Variants in GNA12 observed in about 807,000 individuals in gnomAD.
The protein encoded by GNA12 is G protein subunit alpha 12.
Under a neutral mutation model 26.0 loss-of-function variants are expected in GNA12, and 9 were observed. That is an observed-to-expected ratio of 0.35 (90% confidence interval 0.21 to 0.60). The LOEUF is 0.60. Ranked by LOEUF, GNA12 falls within the 20% of genes least tolerant of loss-of-function variation. The pLI is 0.78. For synonymous variants in GNA12, 264 were observed against 219.6 expected (o/e 1.20, Z -1.79); for missense variants, 405 against 525.8 (o/e 0.77, Z 2.25).
At chr7:2,840,034 G>A (rs1778945160) in intron 1 of GNA12, among the ~76,000 whole-genome samples, 1 of 152,142 alleles carries the variant, frequency 6.6e-6, no homozygotes, top group African/African-American at 2.4e-5. Flanking sequence ...GCCAGGGTCT[G>A]GGACAGGAAG....
chr7:2,762,748 G>T (rs751185082), intron 2 of GNA12: 3 of 1,553,224 alleles, frequency 1.9e-6, no homozygotes, highest in African/African-American at 2.7e-5. Flanking sequence ...CCCGCAGGAA[G>T]TGCACCAGGC....
intron 1 of GNA12, among the ~76,000 whole-genome samples, chr7:2,820,435 A>G (rs905365642): frequency 1.4e-5 from 2 of 144,326 alleles, no homozygotes; most frequent in Admixed American, 7.2e-5. Context: ...GAGGCCAGGC[A>G]TGGTGGCTCA....
intron 1 of GNA12, among the ~76,000 whole-genome samples, chr7:2,809,034 G>T (rs1416184368): frequency 6.6e-6 from 1 of 152,172 alleles, no homozygotes. Flanking sequence ...AGGGTGGCCT[G>T]CCCTTGGCCA....
intron 2 of GNA12, among the ~76,000 whole-genome samples, chr7:2,741,867 A>C (rs1032402832): frequency 2.0e-5 from 3 of 150,658 alleles, no homozygotes; most frequent in African/African-American, 7.3e-5. Context: ...TGACTGTCTC[A>C]TAATTACCAC....
intron 2 of GNA12, among the ~76,000 whole-genome samples, chr7:2,786,478 G>A (rs1206163219): frequency 6.6e-6 from 1 of 152,090 alleles, no homozygotes; most frequent in Non-Finnish European, 1.5e-5. Context: ...CATATGAAAA[G>A]AACCAATGAT....
At chr7:2,759,000 C>A (rs1265079437) in intron 2 of GNA12, among the ~76,000 whole-genome samples, 1 of 150,950 alleles carries the variant, frequency 6.6e-6, no homozygotes, top group African/African-American at 2.4e-5. Context: ...ACTAGCGGGG[C>A]GTGGTGGTGG....
chr7:2,813,577 G>A (rs1016349458), intron 1 of GNA12, among the ~76,000 whole-genome samples: 37 of 151,778 alleles, frequency 2.4e-4, no homozygotes, highest in Admixed American at 9.2e-4. Flanking sequence ...TCTCAGGTGG[G>A]GAAAAAAAAA....
chr7:2,827,335 T>A (rs184417447), intron 1 of GNA12, among the ~76,000 whole-genome samples: 4 of 152,200 alleles, frequency 2.6e-5, no homozygotes, highest in Admixed American at 1.3e-4. Context: ...ACACAGTGAA[T>A]GTACTAAATG....
chr7:2,841,491 G>T (rs1778986720), intron 1 of GNA12, among the ~76,000 whole-genome samples: 1 of 152,066 alleles, frequency 6.6e-6, no homozygotes, highest in South Asian at 2.1e-4. Context: ...AAATGCACTT[G>T]AACACAGACG....
chr7:2,770,006 A>G (rs985123612), intron 2 of GNA12, among the ~76,000 whole-genome samples: 22 of 152,220 alleles, frequency 1.4e-4, no homozygotes, highest in South Asian at 6.2e-4. Flanking sequence ...TTAAAGGTTT[A>G]TAATAGGAAG....
chr7:2,784,866 A>G (rs754467561), intron 2 of GNA12, among the ~76,000 whole-genome samples: 4 of 152,202 alleles, frequency 2.6e-5, no homozygotes, highest in Non-Finnish European at 4.4e-5. Flanking sequence ...AAAAACGTTT[A>G]TGTATTCAAA....
rs75012075 is a variant in GNA12, at chr7:2,762,926, C to T, written c.526-29425G>A. 2,966 of 1,403,066 alleles carry T rather than the reference C, an allele frequency of 2.1e-3. 38 individuals are homozygous for T. In the African/African-American group the frequency reaches 0.034, roughly 16 times the overall value. The allele number at this position is 1,403,066 out of a possible 1,614,324, so 86.9% of individuals were successfully genotyped here. A position where few individuals can be genotyped will look rare whatever the true frequency, so the allele number is the denominator to read the frequency against. On this transcript the variant is annotated intron_variant, in intron 2 of 3. Transcript: ENST00000275364. ...GGGGAGAAGAGGCCACAGGCGGGGA[C>T]GCCCCAGACACTCCCGTGGGGCCCG...
rs564680337 is a variant in GNA12, at chr7:2,734,218, C to T, written c.526-717G>A. Among the ~76,000 whole-genome samples the T allele has an allele frequency of 3.3e-5, 5 of 152,342 alleles. No homozygotes were observed. In the East Asian group the frequency reaches 5.8e-4, roughly 18 times the overall value. On this transcript the variant is annotated intron_variant, in intron 2 of 3. Coordinates refer to ENST00000275364, the MANE Select transcript of GNA12 (RefSeq NM_007353.3). ...TGAGCCGCCAAATGCGAGGCACACA[C>T]GGGGCACGGGAGGAGCCGGGAGAGC...
intron 2 of GNA12, among the ~76,000 whole-genome samples, chr7:2,785,638 T>C (rs916987185): frequency 2.0e-5 from 3 of 152,150 alleles, no homozygotes; most frequent in Non-Finnish European, 2.9e-5. Context: ...TGTAAGTGTA[T>C]TGTACATGTG....
intron 2 of GNA12, among the ~76,000 whole-genome samples, chr7:2,790,406 T>C (rs774256443): frequency 2.0e-5 from 3 of 152,176 alleles, no homozygotes; most frequent in African/African-American, 7.2e-5. Flanking sequence ...GCGCAACACC[T>C]TGTCTAACCT....
chr7:2,767,499 G>A lies in GNA12; in HGVS notation c.525+27429C>T, dbSNP rs78126890. Among the ~76,000 whole-genome samples, 1,405 of 152,172 alleles carry A rather than the reference G, an allele frequency of 9.2e-3. 15 individuals are homozygous for A. The highest frequency in any genetic ancestry group is 0.032 in the African/African-American group (1,326 of 41,508). Reference sequence around the variant, plus strand: ...GTACAATCACTTATGTGACCCTTTCGATAGCCACCTGGGGGCATTTCCAGT... The same window carrying A: ...GTACAATCACTTATGTGACCCTTTCAATAGCCACCTGGGGGCATTTCCAGT... On this transcript the variant is annotated intron_variant, in intron 2 of 3. Coordinates refer to ENST00000275364, the MANE Select transcript of GNA12 (RefSeq NM_007353.3).
At chr7:2,766,830 C>T in intron 2 of GNA12, among the ~76,000 whole-genome samples, 1 of 152,232 alleles carries the variant, frequency 6.6e-6, no homozygotes, top group East Asian at 1.9e-4. Flanking sequence ...TACTATATGG[C>T]TGTGCCATTT....
intron 1 of GNA12, among the ~76,000 whole-genome samples, chr7:2,805,493 G>A (rs1005514689): frequency 6.6e-6 from 1 of 152,082 alleles, no homozygotes; most frequent in African/African-American, 2.4e-5. Flanking sequence ...AGCCTTGACC[G>A]CGCGGGCTCA....
intron 2 of GNA12, 120 bp downstream of exon 2, chr7:2,794,808 C>CG (rs1206200316): frequency 2.7e-6 from 2 of 728,762 alleles, no homozygotes; most frequent in Non-Finnish European, 4.7e-6. Flanking sequence ...TTACAACTTA[C>CG]GGTGATTTAG....
Sources: allele counts gnomAD v4.1 joint callset (sites outside exome capture counted in the v4.1 genomes callset), GRCh38; gene constraint gnomAD v4.1.1; transcripts MANE v1.5; gene names NCBI Gene and HGNC (gene_info 2026-07-23, HGNC 2026-07-21).